RBMS1: variants seen among roughly 807,000 people sequenced by gnomAD.
The protein encoded by RBMS1 is RNA binding motif single stranded interacting protein 1.
A neutral mutation model predicts 62.3 loss-of-function variants in RBMS1; 17 were observed. The ratio of observed to expected loss-of-function variants is 0.27; its 90% confidence interval spans 0.19 to 0.41. The LOEUF (loss-of-function observed/expected upper bound fraction) is 0.41. RBMS1 is among the 10% of genes least tolerant of loss of function. The pLI, the probability that RBMS1 is intolerant of heterozygous loss-of-function variation, is 1.00. For missense variants in RBMS1, 334 were observed against 504.5 expected, an observed-to-expected ratio of 0.66 and a Z score of 3.24; for synonymous variants, 172 against 170.0, an observed-to-expected ratio of 1.01 and a Z score of -0.09.
At chr2:160,326,678 C>T (rs1281496529) in intron 2 of RBMS1, among the ~76,000 whole-genome samples, 2 of 152,118 alleles carry the variant, frequency 1.3e-5, no homozygotes, top group Non-Finnish European at 2.9e-5. Flanking sequence ...AGAGATGCCA[C>T]ATTTTATTTA....
chr2:160,388,410 T>C (rs182837481), intron 1 of RBMS1, among the ~76,000 whole-genome samples: 1 of 152,308 alleles, frequency 6.6e-6, no homozygotes, highest in East Asian at 1.9e-4. Context: ...GAGTTTCTGA[T>C]GCAGGTGGTA....
chr2:160,287,150 T>C, intron 6 of RBMS1, 66 bp from the exon 7 acceptor site: 4 of 1,590,818 alleles, frequency 2.5e-6, no homozygotes. Flanking sequence ...CAAAATGTAT[T>C]ACAAAAATAG....
At chr2:160,346,636 C>A (rs1692191144) in intron 2 of RBMS1, among the ~76,000 whole-genome samples, 1 of 152,074 alleles carries the variant, frequency 6.6e-6, no homozygotes, top group Non-Finnish European at 1.5e-5. Context: ...AGCCAGCAAG[C>A]AATAGGTGCT....
At chr2:160,359,927 T>C (rs1201091393) in intron 2 of RBMS1, among the ~76,000 whole-genome samples, 3 of 152,178 alleles carry the variant, frequency 2.0e-5, no homozygotes, top group Non-Finnish European at 4.4e-5. Context: ...GTTGCCCTAA[T>C]TTCTTATGAC....
intron 6 of RBMS1, among the ~76,000 whole-genome samples, chr2:160,298,050 T>G (rs1351740361): frequency 6.6e-6 from 1 of 152,202 alleles, no homozygotes; most frequent in African/African-American, 2.4e-5. Flanking sequence ...GAAATAGGGC[T>G]GATGCAATGG....
intron 1 of RBMS1, among the ~76,000 whole-genome samples, chr2:160,410,596 G>A (rs1695986587): frequency 1.3e-5 from 2 of 152,162 alleles, no homozygotes; most frequent in South Asian, 4.1e-4. Context: ...GTGATTACAG[G>A]GACAGATCCT....
intron 2 of RBMS1, among the ~76,000 whole-genome samples, chr2:160,342,081 CAT>C (rs1691903330): frequency 6.6e-6 from 1 of 152,146 alleles, no homozygotes; most frequent in South Asian, 2.1e-4. Flanking sequence ...CCCTTCTCCT[CAT>C]AGAAAATGGC....
chr2:160,347,371 G>T (rs145760175), intron 2 of RBMS1, among the ~76,000 whole-genome samples: 1,643 of 152,118 alleles, frequency 0.011, 38 homozygotes, highest in African/African-American at 0.035. Flanking sequence ...CAAATTTTAA[G>T]GTAATGGTTA....
In RBMS1 at chr2:160,450,197, C is replaced by A. The variant is rs370179242; in HGVS notation, c.75+43092G>T. Among the ~76,000 whole-genome samples, 3 of 152,288 alleles carry A rather than the reference C, an allele frequency of 2.0e-5. No individual in the cohort carries two copies. The East Asian group carries it at 5.8e-4, about 29-fold the overall frequency. On this transcript the variant is annotated intron_variant, in intron 1 of 13. Coordinates refer to ENST00000348849, the MANE Select transcript of RBMS1 (RefSeq NM_016836.4). ...GAATCTACGAGGGGTGCTAAGCACT[C>A]TATGGGAATCACTTCATGCAATCTT...
chr2:160,320,388 G>A (rs1418186001), intron 2 of RBMS1, among the ~76,000 whole-genome samples: 2 of 152,126 alleles, frequency 1.3e-5, no homozygotes, highest in South Asian at 2.1e-4. Flanking sequence ...TGGGAGGGTC[G>A]CTTTAGCCTG....
intron 2 of RBMS1, among the ~76,000 whole-genome samples, chr2:160,344,366 C>T (rs1403707606): frequency 2.0e-5 from 3 of 152,098 alleles, no homozygotes; most frequent in African/African-American, 4.8e-5. Context: ...AGATACCTTC[C>T]GTGGAGCCAC....
intron 2 of RBMS1, among the ~76,000 whole-genome samples, chr2:160,335,634 G>A (rs1435248492): frequency 6.6e-6 from 1 of 152,106 alleles, no homozygotes. Context: ...TTGGCTAATT[G>A]GACTTACAAT....
chr2:160,311,153 C>G (rs1426468265), intron 4 of RBMS1, among the ~76,000 whole-genome samples: 6 of 148,380 alleles, frequency 4.0e-5, no homozygotes, highest in African/African-American at 1.5e-4. Context: ...CAAGATTGTG[C>G]CACTGCACTC....
intron 1 of RBMS1, among the ~76,000 whole-genome samples, chr2:160,444,228 ACT>A (rs1195813968): frequency 2.6e-5 from 4 of 152,000 alleles, no homozygotes; most frequent in African/African-American, 9.7e-5. Flanking sequence ...AATAAAACAC[ACT>A]CTATTCCCTT....
At chr2:160,468,477 G>C (rs1016756225) in intron 1 of RBMS1, among the ~76,000 whole-genome samples, 2 of 152,150 alleles carry the variant, frequency 1.3e-5, no homozygotes, top group Non-Finnish European at 2.9e-5. Context: ...AGCATTGGAA[G>C]TTTATCTATG....
chr2:160,337,276 G>A (rs1691632583), intron 2 of RBMS1, among the ~76,000 whole-genome samples: 1 of 151,798 alleles, frequency 6.6e-6, no homozygotes. Context: ...TGGGATTATA[G>A]GTTCATGTCA....
At chr2:160,336,950 T>C (rs982033949) in intron 2 of RBMS1, among the ~76,000 whole-genome samples, 8 of 152,150 alleles carry the variant, frequency 5.3e-5, no homozygotes, top group African/African-American at 1.9e-4. Context: ...TTTATGGTAG[T>C]TGCTTTAAAG....
intron 1 of RBMS1, among the ~76,000 whole-genome samples, chr2:160,369,507 T>G (rs749778340): frequency 3.9e-5 from 6 of 152,216 alleles, no homozygotes; most frequent in Non-Finnish European, 5.9e-5. Context: ...CGCAGAGAAC[T>G]TGTAGCTATT....
Position 160,449,440 on chromosome 2 carries a change from G to T in RBMS1, c.75+43849C>A, listed in dbSNP as rs559863670. ...ATCAGATTGTTACTGTGTCTGTGTA[G>T]AAAGAAGTAGACATGGGAGACTCCA... On this transcript the variant is annotated intron_variant, in intron 1 of 13. Coordinates refer to ENST00000348849, the MANE Select transcript of RBMS1 (RefSeq NM_016836.4). Among the ~76,000 whole-genome samples, 267 of 152,380 alleles carry T rather than the reference G, an allele frequency of 1.8e-3. 1 individual carries two copies. The highest frequency in any genetic ancestry group is 6.1e-3 in the African/African-American group (252 of 41,594).
Sources: allele counts gnomAD v4.1 joint callset (sites outside exome capture counted in the v4.1 genomes callset), GRCh38; gene constraint gnomAD v4.1.1; transcripts MANE v1.5; gene names NCBI Gene and HGNC (gene_info 2026-07-23, HGNC 2026-07-21).